The following TGM6 variants were observed in gnomAD, a reference collection of about 807,000 sequenced individuals.
TGM6 encodes the protein transglutaminase 6, also known as protein-glutamine gamma-glutamyltransferase 6.
Under a neutral mutation model 77.5 loss-of-function variants are expected in TGM6, and 74 were observed. The observed-to-expected ratio is 0.96, with a 90% CI of 0.79 to 1.16. The LOEUF (loss-of-function observed/expected upper bound fraction) is 1.16, where lower values mean the gene tolerates loss of function less well. Among genes scored for constraint, TGM6 ranks in the 50% most tolerant of loss-of-function variants. TGM6 has a pLI of 0.00. For missense variants in TGM6, 968 were observed against 940.2 expected, an observed-to-expected ratio of 1.03 and a Z score of -0.39; for synonymous variants, 383 against 378.9, an observed-to-expected ratio of 1.01 and a Z score of -0.12.
intron 9 of TGM6, among the ~76,000 whole-genome samples, chr20:2,404,158 C>T (rs73569455): frequency 0.094 from 14,319 of 152,178 alleles, 888 homozygotes; most frequent in East Asian, 0.23. Context: ...ATGATAGTAG[C>T]AGGTATTATT....
At chr20:2,406,248 C>T (rs2084749639) in intron 9 of TGM6, among the ~76,000 whole-genome samples, 1 of 152,138 alleles carries the variant, frequency 6.6e-6, no homozygotes, top group Non-Finnish European at 1.5e-5. Context: ...AGATTGATTG[C>T]TGGGTCCCTT....
intron 7 of TGM6, among the ~76,000 whole-genome samples, chr20:2,402,422 T>C (rs368389409): frequency 1.7e-4 from 26 of 152,258 alleles, no homozygotes; most frequent in South Asian, 8.3e-4. Context: ...TCCTCTTTTT[T>C]GGTTCTCTTC....
At chr20:2,391,345 G>A (rs374018304) in intron 1 of TGM6, among the ~76,000 whole-genome samples, 19 of 152,268 alleles carry the variant, frequency 1.2e-4, no homozygotes, top group South Asian at 8.3e-4. Flanking sequence ...TGGCAGGGCC[G>A]AGGCAGGAAC....
chr20:2,391,540 T>G (rs1488322730), intron 1 of TGM6, among the ~76,000 whole-genome samples: 2 of 151,964 alleles, frequency 1.3e-5, no homozygotes, highest in African/African-American at 2.4e-5. Flanking sequence ...AGCAATGGGA[T>G]CCTGCCTAGT....
rs2084726329 is a variant in TGM6, at chr20:2,403,503, A to G, written c.1093+3A>G. Reference sequence around the variant, plus strand: ...CACCCCCCAGGAGGAGAGTGAAGGTACGCTCAATTGGGTGGGGTAAGTTCC... The same window carrying G: ...CACCCCCCAGGAGGAGAGTGAAGGTGCGCTCAATTGGGTGGGGTAAGTTCC... On this transcript the variant is annotated splice_donor_region_variant and intron_variant, in intron 8 of 12. Coordinates refer to ENST00000202625, the MANE Select transcript of TGM6 (RefSeq NM_198994.3). 6.2e-7 allele frequency: 1 copy of G among 1,614,108 alleles called. No homozygotes were observed. Among genetic ancestry groups the G allele is most frequent in the Non-Finnish European group, 8.5e-7 (1 of 1,180,022 alleles).
chr20:2,423,327 A>C lies in TGM6; in HGVS notation c.1678+5754A>C, dbSNP rs554877597. Reference sequence around the variant, plus strand: ...AGAACCTCTTTCAAACTTGGAGTCAATCCTCTCAAACCCTGCCACTGCTTT... The same window carrying C: ...AGAACCTCTTTCAAACTTGGAGTCACTCCTCTCAAACCCTGCCACTGCTTT... On this transcript the variant is annotated intron_variant, in intron 10 of 12. Transcript: ENST00000202625. Among the ~76,000 whole-genome samples the C allele has an allele frequency of 6.6e-4, 99 of 150,452 alleles. 1 individual carries two copies. Among genetic ancestry groups the C allele is most frequent in the African/African-American group, 2.2e-3 (92 of 41,040 alleles).
At chr20:2,406,116 T>C (rs922080670) in intron 9 of TGM6, among the ~76,000 whole-genome samples, 2 of 152,188 alleles carry the variant, frequency 1.3e-5, no homozygotes, top group Non-Finnish European at 2.9e-5. Flanking sequence ...CATGGCACTT[T>C]CTTGACTGTC....
intron 11 of TGM6, 63 bp from the exon 12 acceptor site, chr20:2,430,831 A>T (rs1260355500): frequency 8.7e-6 from 14 of 1,613,678 alleles, no homozygotes; most frequent in Non-Finnish European, 1.2e-5. Context: ...CTCAGCCAGG[A>T]CCATCGGTTT....
At chr20:2,409,829 A>T (rs946233895) in intron 9 of TGM6, among the ~76,000 whole-genome samples, 3 of 152,236 alleles carry the variant, frequency 2.0e-5, no homozygotes, top group Admixed American at 2.0e-4. Flanking sequence ...CAGAAAAATC[A>T]TAAAAGAAAA....
intron 1 of TGM6, among the ~76,000 whole-genome samples, chr20:2,384,436 T>C (rs1568650989): frequency 6.6e-6 from 1 of 152,130 alleles, no homozygotes; most frequent in East Asian, 1.9e-4. Context: ...ATGTCATGAA[T>C]TGGCAGAGCA....
chr20:2,403,589 C>G lies in TGM6; in HGVS notation c.1102C>G (p.Arg368Gly), dbSNP rs201326247. The G allele has an allele frequency of 6.2e-7, 1 of 1,614,102 alleles. No individual in the cohort carries two copies. ...CCACCCCTCCTGCCCAGGTGTGTTCCGGTGCGGCCCAGCCTCAGTCACCGC... is the reference window on the plus strand; with the variant it reads ...CCACCCCTCCTGCCCAGGTGTGTTCGGGTGCGGCCCAGCCTCAGTCACCGC... Reference protein sequence around the residue: ...TPQEESEGVFRCGPASVTAIR... With the variant: ...TPQEESEGVFGCGPASVTAIR... Residue 368 changes from arginine (R) to glycine (G), a missense_variant, in exon 9 of 13, where the codon CGG becomes GGG. Physicochemically the swap from Arg to Gly is moderately radical, Grantham distance 125. Coordinates refer to ENST00000202625, the MANE Select transcript of TGM6 (RefSeq NM_198994.3).
At position 2,417,593 on chromosome 20, in the gene TGM6, G is replaced by C; in HGVS notation, c.1678+20G>C. On this transcript the variant is annotated intron_variant, in intron 10 of 12. Transcript: ENST00000202625. ...AAGAAGGTAAGTGTACGCTGGCTTGGTGGAATCAGGCCAAACCACCTCCTT... is the reference window on the plus strand; with the variant it reads ...AAGAAGGTAAGTGTACGCTGGCTTGCTGGAATCAGGCCAAACCACCTCCTT... 1 of 1,586,674 alleles carries C rather than the reference G, an allele frequency of 6.3e-7. No individual in the cohort carries two copies. Among genetic ancestry groups the C allele is most frequent in the Non-Finnish European group, 8.5e-7 (1 of 1,173,850 alleles).
intron 9 of TGM6, 125 bp from the exon 10 acceptor site, chr20:2,417,107 C>A: frequency 1.2e-6 from 1 of 832,274 alleles, no homozygotes; most frequent in Non-Finnish European, 1.9e-6. Flanking sequence ...CATAGAGAAT[C>A]AAACACAAGG....
In TGM6 at chr20:2,403,423, G is replaced by T; in HGVS notation, c.1016G>T (p.Trp339Leu). ...AATTTCCATGTCTGGAATGAGAGCT[G>T]GTTTGCCCGGCAGGACCTAGGCCCC... ...MWNFHVWNES[W>L]FARQDLGPSY... Residue 339 changes from tryptophan (W) to leucine (L), a missense_variant, in exon 8 of 13, where the codon TGG becomes TTG. By Grantham distance (61) the Trp-to-Leu change is moderately conservative. Transcript: ENST00000202625. 1 of 1,614,164 alleles carries T rather than the reference G, an allele frequency of 6.2e-7. No individual in the cohort carries two copies. Among genetic ancestry groups the T allele is most frequent in the Non-Finnish European group, 8.5e-7 (1 of 1,180,046 alleles).
At chr20:2,421,019 G>A (rs371934763) in intron 10 of TGM6, among the ~76,000 whole-genome samples, 23 of 151,698 alleles carry the variant, frequency 1.5e-4, no homozygotes, top group East Asian at 5.8e-4. Context: ...ACAGAGTCTC[G>A]CTCCGTCACC....
In TGM6 at chr20:2,430,949, A is replaced by AC; in HGVS notation, c.1894dup (p.Leu632ProfsTer40). ...GTTACAGTGGAAGTGACAGTAGTCAACCCCCTCATAGAGAGAGTGAAGGAC... is the reference window on the plus strand; with the variant it reads ...GTTACAGTGGAAGTGACAGTAGTCAACCCCCCTCATAGAGAGAGTGAAGGAC... On this transcript the variant is annotated frameshift_variant, in exon 12 of 13. Transcript: ENST00000202625. LOFTEE classifies it high-confidence loss of function. 1.9e-6 allele frequency: 3 copies of AC among 1,613,990 alleles called. No individual in the cohort carries two copies. Among genetic ancestry groups the AC allele is most frequent in the Non-Finnish European group, 2.5e-6 (3 of 1,180,000 alleles).
chr20:2,402,804 C>T lies in TGM6; in HGVS notation c.990-593C>T, dbSNP rs145961114. Reference sequence around the variant, plus strand: ...CTATGGTGCTCTGCATAATCAGAACCCTACCTACCCCCTCTGCTGGCCATA... The same window carrying T: ...CTATGGTGCTCTGCATAATCAGAACTCTACCTACCCCCTCTGCTGGCCATA... On this transcript the variant is annotated intron_variant, in intron 7 of 12. Coordinates refer to ENST00000202625, the MANE Select transcript of TGM6 (RefSeq NM_198994.3). Among the ~76,000 whole-genome samples the T allele has an allele frequency of 9.4e-3, 1,427 of 152,266 alleles. 23 individuals are homozygous for T. The highest frequency in any genetic ancestry group is 0.033 in the African/African-American group (1,364 of 41,556).
rs149406645 is a variant in TGM6 at position 2,405,318 on chromosome 20, G to A, written c.1336+1495G>A. On this transcript the variant is annotated intron_variant, in intron 9 of 12. Coordinates refer to ENST00000202625, the MANE Select transcript of TGM6 (RefSeq NM_198994.3). ...TCATGAGCCCAATCCAGATTCAAGG[G>A]GTGGGAAGTTGTAAGGCATTATGGC... Among the ~76,000 whole-genome samples the A allele has an allele frequency of 2.6e-5, 4 of 152,280 alleles. 1 individual carries two copies. The highest frequency in any genetic ancestry group is 7.2e-5 in the African/African-American group (3 of 41,562).
chr20:2,402,019 C>T (rs989789869), intron 7 of TGM6, among the ~76,000 whole-genome samples: 1 of 152,124 alleles, frequency 6.6e-6, no homozygotes, highest in African/African-American at 2.4e-5. Flanking sequence ...TGGCAAATCA[C>T]TTGAGGTCAG....
Sources: allele counts gnomAD v4.1 joint callset (sites outside exome capture counted in the v4.1 genomes callset), GRCh38; gene constraint gnomAD v4.1.1; transcripts MANE v1.5; gene names NCBI Gene and HGNC (gene_info 2026-07-23, HGNC 2026-07-21).